Variants in IDH3A observed in about 807,000 individuals in gnomAD.
IDH3A encodes the protein isocitrate dehydrogenase (NAD(+)) 3 catalytic subunit alpha.
IDH3A carries 23 observed loss-of-function variants against 43.3 expected under a neutral mutation model. That is an observed-to-expected ratio of 0.53 (90% CI 0.38 to 0.75). The LOEUF (loss-of-function observed/expected upper bound fraction) is 0.75. Among genes scored for constraint, IDH3A ranks in the 30% least tolerant of loss-of-function variants. IDH3A has a pLI of 0.00. For synonymous variants in IDH3A, 154 were observed against 163.5 expected, an observed-to-expected ratio of 0.94 and a Z score of 0.44; for missense variants, 329 against 474.4, an observed-to-expected ratio of 0.69 and a Z score of 2.85.
chr15:78,157,545 C>T lies in IDH3A; in HGVS notation c.91-3C>T. 1 of 1,593,482 alleles carries T rather than the reference C, an allele frequency of 6.3e-7. No individual in the cohort carries two copies. The highest frequency in any genetic ancestry group is 8.6e-7 in the Non-Finnish European group (1 of 1,169,086). On this transcript the variant is annotated splice_polypyrimidine_tract_variant and splice_region_variant and intron_variant, in intron 2 of 10. Coordinates refer to ENST00000299518, the MANE Select transcript of IDH3A (RefSeq NM_005530.3). ...GTCTTCTTTGATGATTTCTTATGTT[C>T]AGGTTCAGACAGTAACTTTAATTCC...
At chr15:78,159,383 A>G (rs911095949) in intron 3 of IDH3A, among the ~76,000 whole-genome samples, 5 of 151,630 alleles carry the variant, frequency 3.3e-5, no homozygotes, top group Admixed American at 3.3e-4. Context: ...GGGACATTTC[A>G]TATAAATAGA....
intron 2 of IDH3A, chr15:78,156,892 T>C (rs763360639): frequency 1.5e-6 from 2 of 1,351,028 alleles, no homozygotes; most frequent in South Asian, 2.3e-5. Flanking sequence ...ACATATACTA[T>C]TCTTTTTGGT....
intron 3 of IDH3A, among the ~76,000 whole-genome samples, chr15:78,158,054 T>C (rs2074641215): frequency 6.6e-6 from 1 of 152,188 alleles, no homozygotes; most frequent in East Asian, 1.9e-4. Flanking sequence ...TGTGGATCTT[T>C]AAGTCCTGCT....
intron 2 of IDH3A, chr15:78,155,700 G>A (rs961865142): frequency 1.2e-5 from 2 of 166,006 alleles, no homozygotes; most frequent in African/African-American, 2.4e-5. Context: ...AATTAGGAAT[G>A]CCTCGAACAT....
rs67298643 is a variant in IDH3A at position 78,158,463 on chromosome 15, ATTT to A, written c.174+860_174+862del. 2.1e-3 allele frequency among the ~76,000 whole-genome samples: 144 copies of A among 67,310 alleles called. 1 individual carries two copies. The highest frequency in any genetic ancestry group is 7.5e-3 in the African/African-American group (138 of 18,290). The allele number at this position is 67,310 out of a possible 152,430, so 44.2% of individuals were successfully genotyped here. On this transcript the variant is annotated intron_variant, in intron 3 of 10. Coordinates refer to ENST00000299518, the MANE Select transcript of IDH3A (RefSeq NM_005530.3). ...TACATACATACATATATATATATAT[ATTT>A]TTTTTTTTTTTTTTTTTTTTTTTTT...
chr15:78,162,971 GGGGTCCCCAGATGCTGT>G (rs1352723353), intron 6 of IDH3A, among the ~76,000 whole-genome samples: 2 of 152,134 alleles, frequency 1.3e-5, no homozygotes, highest in African/African-American at 4.8e-5. Context: ...TTGGAGCCTC[GGGGTCCCCAGATGCTGT>G]GGCCATCAGC....
intron 3 of IDH3A, among the ~76,000 whole-genome samples, chr15:78,159,277 C>T (rs2074657399): frequency 1.3e-5 from 2 of 152,114 alleles, no homozygotes; most frequent in South Asian, 4.1e-4. Flanking sequence ...CTCCCCATTT[C>T]GTCTCTCTCC....
intron 2 of IDH3A, chr15:78,157,199 T>G (rs933831874): frequency 8.9e-7 from 1 of 1,117,584 alleles, no homozygotes; most frequent in African/African-American, 1.6e-5. Context: ...TGTTGTTGTC[T>G]TTGGTTTAAA....
chr15:78,150,574 C>T (rs1405559205), intron 1 of IDH3A, among the ~76,000 whole-genome samples: 2 of 152,152 alleles, frequency 1.3e-5, no homozygotes, highest in African/African-American at 4.8e-5. Flanking sequence ...GGCTGTGTGA[C>T]CCTAAGCAAA....
At chr15:78,164,460 C>G (rs747826863) in intron 8 of IDH3A, among the ~76,000 whole-genome samples, 11 of 151,374 alleles carry the variant, frequency 7.3e-5, no homozygotes, top group Non-Finnish European at 1.0e-4. Context: ...TCGAGTGATT[C>G]TCCTGCCTCC....
At chr15:78,158,448 C>CATACATATATATATATATATATATAT (rs1555429600) in intron 3 of IDH3A, among the ~76,000 whole-genome samples, 2 of 28,214 alleles carry the variant, frequency 7.1e-5, no homozygotes, top group African/African-American at 3.1e-4. Flanking sequence ...TACATACATA[C>CATACATATATATATATATATATATAT]ATATATATAT....
intron 1 of IDH3A, chr15:78,150,881 A>G (rs1177253869): frequency 6.6e-6 from 1 of 152,242 alleles, no homozygotes; most frequent in African/African-American, 2.4e-5. Flanking sequence ...CCTAAAAGTA[A>G]AGCAACTTCT....
At position 78,171,143 on chromosome 15, in the gene IDH3A, T is replaced by C. The variant is rs2074816496; in HGVS notation, c.*2138T>C. 3.9e-6 allele frequency: 1 copy of C among 258,468 alleles called. No homozygotes were observed. The allele number at this position is 258,468 out of a possible 1,614,324, so 16.0% of individuals were successfully genotyped here. A position where few individuals can be genotyped will look rare whatever the true frequency, so the allele number is the denominator to read the frequency against. On this transcript the variant is annotated 3_prime_UTR_variant, in exon 11 of 11. Transcript: ENST00000299518. Reference sequence around the variant, plus strand: ...TGAGCTAGCAGCTTTTTAATCTACCTGGAACTAAGGCCAAAAATTATCAGC... The same window carrying C: ...TGAGCTAGCAGCTTTTTAATCTACCCGGAACTAAGGCCAAAAATTATCAGC...
At chr15:78,156,104 C>T (rs776725578) in intron 2 of IDH3A, among the ~76,000 whole-genome samples, 11 of 152,154 alleles carry the variant, frequency 7.2e-5, no homozygotes, top group East Asian at 1.9e-4. Flanking sequence ...GTAGCCAAAG[C>T]GTTCTTTTGG....
chr15:78,163,069 G>A (rs1370306795), intron 6 of IDH3A, among the ~76,000 whole-genome samples: 1 of 152,208 alleles, frequency 6.6e-6, no homozygotes, highest in Non-Finnish European at 1.5e-5. Context: ...AATACCTGAT[G>A]TGTTACTCCA....
intron 2 of IDH3A, 65 bp from the exon 3 acceptor site, chr15:78,157,483 A>C: frequency 9.1e-7 from 1 of 1,097,584 alleles, no homozygotes. Flanking sequence ...CTGTCAAAAT[A>C]TTCTTTTTTA....
In IDH3A at chr15:78,168,968, C is replaced by G. The variant is rs758731102; in HGVS notation, c.1064C>G (p.Thr355Arg). ...GGCAATGCAAAATGCTCAGACTTCA[C>G]AGAGGAAATCTGTCGCCGAGTAAAA... ...LGGNAKCSDF[T>R]EEICRRVKDL... is the part of the protein sequence containing the mutation. Residue 355 changes from threonine (T) to arginine (R), a missense_variant, in exon 11 of 11, where the codon ACA becomes AGA. Around this residue, in one of 3 missense-constraint regions of IDH3A, gnomAD observed 91 missense variants for 111.6 expected, o/e 0.82. Coordinates refer to ENST00000299518, the MANE Select transcript of IDH3A (RefSeq NM_005530.3). The G allele has an allele frequency of 6.2e-6, 10 of 1,603,288 alleles. No homozygotes were observed. Among genetic ancestry groups the G allele is most frequent in the Non-Finnish European group, 8.5e-6 (10 of 1,171,002 alleles).
At chr15:78,157,731 A>G (rs2074636821) in intron 3 of IDH3A, 100 bp downstream of exon 3, 1 of 748,368 alleles carries the variant, frequency 1.3e-6, no homozygotes, top group East Asian at 2.7e-5. Flanking sequence ...ACCCATTTCT[A>G]TGAAATTTAG....
chr15:78,168,491 A>C (rs2074777354), intron 10 of IDH3A: 2 of 152,300 alleles, frequency 1.3e-5, no homozygotes, highest in Admixed American at 1.3e-4. Flanking sequence ...TCCATCTAAA[A>C]AAAAAATAAT....
Sources: allele counts gnomAD v4.1 joint callset (sites outside exome capture counted in the v4.1 genomes callset), GRCh38; gene constraint gnomAD v4.1.1; regional missense constraint gnomAD v4.1.1; transcripts MANE v1.5; gene names NCBI Gene and HGNC (gene_info 2026-07-23, HGNC 2026-07-21).